NAPB: variants seen among roughly 807,000 people sequenced by gnomAD.
NAPB encodes the protein beta-soluble NSF attachment protein.
NAPB carries 26 observed loss-of-function variants against 44.7 expected under a neutral mutation model. That is an observed-to-expected ratio of 0.58 (90% CI 0.43 to 0.81). NAPB has a LOEUF of 0.81. Ranked by LOEUF, NAPB falls within the 30% of genes least tolerant of loss-of-function variation. The pLI is 0.00. For synonymous variants in NAPB, 120 were observed against 116.8 expected (o/e 1.03, Z -0.18); for missense variants, 315 against 356.4 (o/e 0.88, Z 0.94).
Position 23,380,049 on chromosome 20 carries a change from T to C in NAPB, c.667-114A>G, listed in dbSNP as rs564793215. ...TATCCTATTAAGTGTTGAAAAAGTA[T>C]GTAGTTAAACTCAAAAGCAGAATCA... On this transcript the variant is annotated intron_variant, in intron 8 of 10. Coordinates refer to ENST00000377026, the MANE Select transcript of NAPB (RefSeq NM_022080.3). 1,050 of 714,660 alleles carry C rather than the reference T, an allele frequency of 1.5e-3. 1 individual carries two copies. The highest frequency in any genetic ancestry group is 2.2e-3 in the Non-Finnish European group (960 of 439,640). The allele number at this position is 714,660 out of a possible 1,614,324, so 44.3% of individuals were successfully genotyped here. A position where few individuals can be genotyped will look rare whatever the true frequency, so the allele number is the denominator to read the frequency against.
intron 7 of NAPB, among the ~76,000 whole-genome samples, chr20:23,387,898 G>A (rs556249641): frequency 3.3e-5 from 5 of 152,298 alleles, no homozygotes; most frequent in Non-Finnish European, 7.3e-5. Flanking sequence ...TCTGTGGGGT[G>A]TTTCTGAATG....
chr20:23,379,322 C>A (rs1252339010), intron 10 of NAPB, 123 bp downstream of exon 10: 3 of 692,648 alleles, frequency 4.3e-6, no homozygotes, highest in Non-Finnish European at 7.1e-6. Flanking sequence ...TTGGAAAATA[C>A]AACTTAAGGT....
intron 10 of NAPB, among the ~76,000 whole-genome samples, chr20:23,378,499 T>G (rs1982710080): frequency 6.6e-6 from 1 of 150,412 alleles, no homozygotes; most frequent in South Asian, 2.1e-4. Flanking sequence ...TGGAATGCAA[T>G]GGCGTGATCT....
chr20:23,414,264 G>A (rs1356771275), intron 1 of NAPB, among the ~76,000 whole-genome samples: 1 of 152,202 alleles, frequency 6.6e-6, no homozygotes, highest in African/African-American at 2.4e-5. Flanking sequence ...GGAGGTTGCA[G>A]TGAGTAATGA....
intron 2 of NAPB, among the ~76,000 whole-genome samples, chr20:23,400,903 T>C (rs1362973032): frequency 1.3e-5 from 2 of 150,948 alleles, no homozygotes; most frequent in Non-Finnish European, 2.9e-5. Context: ...AGAATCACCA[T>C]ATAATAAAAA....
intron 7 of NAPB, among the ~76,000 whole-genome samples, chr20:23,388,548 C>T (rs1159880011): frequency 2.0e-5 from 3 of 152,062 alleles, no homozygotes; most frequent in Non-Finnish European, 4.4e-5. Flanking sequence ...GTAATACTGG[C>T]ACAAAGATGG....
At position 23,381,335 on chromosome 20, in the gene NAPB, A is replaced by G. The variant is rs1982990139; in HGVS notation, c.562-18T>C. Reference sequence around the variant, plus strand: ...GCCCCAACCTAGGCACAGAACGCAGAGTTAAATTTAAAAGATTTACCCTCT... The same window carrying G: ...GCCCCAACCTAGGCACAGAACGCAGGGTTAAATTTAAAAGATTTACCCTCT... On this transcript the variant is annotated intron_variant, in intron 7 of 10. Coordinates refer to ENST00000377026, the MANE Select transcript of NAPB (RefSeq NM_022080.3). 1 of 1,493,584 alleles carries G rather than the reference A, an allele frequency of 6.7e-7. No individual in the cohort carries two copies. Among genetic ancestry groups the G allele is most frequent in the Non-Finnish European group, 9.0e-7 (1 of 1,110,428 alleles). The allele number at this position is 1,493,584 out of a possible 1,614,324, so 92.5% of individuals were successfully genotyped here. A position where few individuals can be genotyped will look rare whatever the true frequency, so the allele number is the denominator to read the frequency against.
chr20:23,411,826 A>T (rs1235043491), intron 1 of NAPB, among the ~76,000 whole-genome samples: 1 of 152,182 alleles, frequency 6.6e-6, no homozygotes, highest in Admixed American at 6.5e-5. Context: ...TTCCTAAATA[A>T]AAAAAGAGAC....
chr20:23,421,322 G>T lies in NAPB; in HGVS notation c.81C>A (p.Phe27Leu). Residue 27 changes from phenylalanine (F) to leucine (L), a missense_variant, in exon 1 of 11, where the codon TTC becomes TTA. Coordinates refer to ENST00000377026, the MANE Select transcript of NAPB (RefSeq NM_022080.3). ...AEKRVKASHS[F>L]LRGLFGGNTR... ...GCGCTCACCCAAACAGCCCTCGGAGGAAGGAGTGGGAGGCCTTGACTCGCT... is the reference window on the plus strand; with the variant it reads ...GCGCTCACCCAAACAGCCCTCGGAGTAAGGAGTGGGAGGCCTTGACTCGCT... 6.4e-7 allele frequency: 1 copy of T among 1,563,000 alleles called. No individual in the cohort carries two copies. The highest frequency in any genetic ancestry group is 2.4e-5 in the East Asian group (1 of 41,532).
At chr20:23,389,677 T>C (rs565786158) in intron 7 of NAPB, among the ~76,000 whole-genome samples, 1 of 152,324 alleles carries the variant, frequency 6.6e-6, no homozygotes, top group Non-Finnish European at 1.5e-5. Flanking sequence ...AGGTTCAGAA[T>C]AGAAAAATCC....
chr20:23,416,688 C>T (rs575117556), intron 1 of NAPB, among the ~76,000 whole-genome samples: 1 of 152,120 alleles, frequency 6.6e-6, no homozygotes, highest in Non-Finnish European at 1.5e-5. Context: ...TACTGTATCA[C>T]CTGTCTCTGT....
At chr20:23,382,545 A>G (rs1302398491) in intron 7 of NAPB, among the ~76,000 whole-genome samples, 1 of 152,218 alleles carries the variant, frequency 6.6e-6, no homozygotes, top group African/African-American at 2.4e-5. Flanking sequence ...TCCAAAAAGC[A>G]AGTACAATAA....
Position 23,394,245 on chromosome 20 carries a change from T to C in NAPB, c.420+677A>G, listed in dbSNP as rs13433117. Among the ~76,000 whole-genome samples the C allele has an allele frequency of 7.9e-3, 1,202 of 152,202 alleles. 15 individuals carry two copies. The highest frequency in any genetic ancestry group is 0.028 in the African/African-American group (1,143 of 41,534). On this transcript the variant is annotated intron_variant, in intron 5 of 10. Coordinates refer to ENST00000377026, the MANE Select transcript of NAPB (RefSeq NM_022080.3). ...GGAGAGCAAAAGCAGGGAGACCGGTTTGAAGGATCCTGCAGCGATCAAGTG... is the reference window on the plus strand; with the variant it reads ...GGAGAGCAAAAGCAGGGAGACCGGTCTGAAGGATCCTGCAGCGATCAAGTG...
intron 9 of NAPB, 171 bp from the exon 10 acceptor site, chr20:23,379,666 C>T: frequency 1.5e-6 from 1 of 662,202 alleles, no homozygotes; most frequent in South Asian, 2.0e-5. Context: ...TAACATTTCT[C>T]AGGTGCCTAT....
At chr20:23,389,803 A>T (rs1983817942) in intron 7 of NAPB, 143 bp downstream of exon 7, 2 of 648,440 alleles carry the variant, frequency 3.1e-6, no homozygotes, top group Admixed American at 2.9e-5. Flanking sequence ...ATAGTTATAC[A>T]ACTTTGTGAA....
chr20:23,376,258 A>G lies in NAPB; in HGVS notation c.*1118T>C, dbSNP rs144416439. 6.6e-6 allele frequency: 1 copy of G among 152,378 alleles called. No homozygotes were observed. The highest frequency in any genetic ancestry group is 1.5e-5 in the Non-Finnish European group (1 of 68,048). The allele number at this position is 152,378 out of a possible 1,614,324, so 9.4% of individuals were successfully genotyped here. ...TCATGAATCAAGATAGCATACATAT[A>G]TTATATAAACCAATTAAACACGACA... On this transcript the variant is annotated 3_prime_UTR_variant, in exon 11 of 11. Coordinates refer to ENST00000377026, the MANE Select transcript of NAPB (RefSeq NM_022080.3).
At chr20:23,377,930 A>G (rs892025119) in intron 10 of NAPB, among the ~76,000 whole-genome samples, 1 of 152,188 alleles carries the variant, frequency 6.6e-6, no homozygotes, top group Non-Finnish European at 1.5e-5. Context: ...GATGAAAATG[A>G]TGTGGTAGGC....
intron 5 of NAPB, among the ~76,000 whole-genome samples, chr20:23,392,694 T>TA (rs1984058364): frequency 1.3e-5 from 2 of 150,196 alleles, no homozygotes; most frequent in South Asian, 2.1e-4. Flanking sequence ...TTTTTTTTTT[T>TA]ATATTTTTAG....
At chr20:23,384,845 T>C (rs1322550049) in intron 7 of NAPB, among the ~76,000 whole-genome samples, 1 of 152,126 alleles carries the variant, frequency 6.6e-6, no homozygotes, top group Non-Finnish European at 1.5e-5. Flanking sequence ...CCAGGCTGGC[T>C]GTGGTGGATC....
Sources: gnomAD v4.1 joint callset for allele counts (sites outside exome capture counted in the v4.1 genomes callset) on GRCh38, gnomAD v4.1.1 for gene constraint, MANE v1.5 for transcripts, NCBI Gene and HGNC (gene_info 2026-07-23, HGNC 2026-07-21) for gene names.